The following NRG3 variants were observed in gnomAD, a reference collection of about 807,000 sequenced individuals.
The protein encoded by NRG3 is pro-neuregulin-3, membrane-bound isoform.
In NRG3, 31 loss-of-function variants were observed where a neutral mutation model predicts 66.9. The observed-to-expected ratio is 0.46, with a 90% CI of 0.35 to 0.63. NRG3 has a LOEUF of 0.63. Among genes scored for constraint, NRG3 ranks in the 20% least tolerant of loss-of-function variants. NRG3 has a pLI of 0.00. For missense variants in NRG3, 910 were observed against 878.9 expected (o/e 1.04, Z -0.45); for synonymous variants, 393 against 359.4 (o/e 1.09, Z -1.06).
At chr10:82,471,550 C>A (rs1045104193) in intron 2 of NRG3, among the ~76,000 whole-genome samples, 5 of 152,146 alleles carry the variant, frequency 3.3e-5, no homozygotes, top group Admixed American at 1.3e-4. Context: ...TATAGGCTTA[C>A]TTTTTCTCAA....
At chr10:82,557,404 T>C (rs921801684) in intron 2 of NRG3, among the ~76,000 whole-genome samples, 1 of 152,210 alleles carries the variant, frequency 6.6e-6, no homozygotes, top group Non-Finnish European at 1.5e-5. Flanking sequence ...TGAGCTTTTT[T>C]TTCATATGCT....
intron 2 of NRG3, among the ~76,000 whole-genome samples, chr10:82,379,806 G>A (rs2085489991): frequency 6.7e-6 from 1 of 149,658 alleles, no homozygotes; most frequent in Admixed American, 6.7e-5. Context: ...GACATTGTAG[G>A]AGAAAACTTC....
chr10:82,626,800 C>G (rs570510313), intron 2 of NRG3, among the ~76,000 whole-genome samples: 1 of 152,000 alleles, frequency 6.6e-6, no homozygotes, highest in South Asian at 2.1e-4. Context: ...CCGTACAAAC[C>G]AATTTCTTGG....
At chr10:82,705,256 G>A (rs565739095) in intron 2 of NRG3, among the ~76,000 whole-genome samples, 40 of 152,308 alleles carry the variant, frequency 2.6e-4, no homozygotes, top group Middle Eastern at 6.8e-3. Context: ...CATGGGAAAG[G>A]TGTTTAAATA....
intron 2 of NRG3, among the ~76,000 whole-genome samples, chr10:82,414,523 G>A (rs555927457): frequency 5.9e-5 from 9 of 152,234 alleles, no homozygotes; most frequent in South Asian, 2.1e-4. Flanking sequence ...AGCACATGCC[G>A]TTGGTAAAAT....
At chr10:82,312,424 GC>G (rs763155689) in intron 1 of NRG3, among the ~76,000 whole-genome samples, 1 of 152,172 alleles carries the variant, frequency 6.6e-6, no homozygotes, top group Non-Finnish European at 1.5e-5. Flanking sequence ...AATCTGAAAT[GC>G]CATCAAGCAG....
intron 1 of NRG3, among the ~76,000 whole-genome samples, chr10:82,234,208 T>C (rs1353629847): frequency 6.6e-6 from 1 of 152,152 alleles, no homozygotes; most frequent in Non-Finnish European, 1.5e-5. Flanking sequence ...CTCTTCTTTC[T>C]CCCCCAACTC....
At chr10:82,518,061 T>A (rs546901820) in intron 2 of NRG3, among the ~76,000 whole-genome samples, 2 of 152,234 alleles carry the variant, frequency 1.3e-5, no homozygotes, top group Admixed American at 6.5e-5. Flanking sequence ...AGGCTTTAGA[T>A]TCATTTTTCA....
intron 1 of NRG3, among the ~76,000 whole-genome samples, chr10:81,922,690 G>GC (rs1446606111): frequency 6.6e-6 from 1 of 152,172 alleles, no homozygotes; most frequent in South Asian, 2.1e-4. Context: ...ATCAGTTGAT[G>GC]CTAGATTCTT....
chr10:82,970,523 A>G (rs985380620), intron 6 of NRG3, among the ~76,000 whole-genome samples: 2 of 152,066 alleles, frequency 1.3e-5, no homozygotes, highest in Non-Finnish European at 2.9e-5. Context: ...ACTCTTTGCC[A>G]TATGTATGTT....
chr10:81,891,037 A>G (rs1842966309), intron 1 of NRG3, among the ~76,000 whole-genome samples: 1 of 152,210 alleles, frequency 6.6e-6, no homozygotes, highest in Non-Finnish European at 1.5e-5. Context: ...CACATGCTGC[A>G]TTTTGGGAAG....
At chr10:82,878,137 TGA>T (rs1312514007) in intron 4 of NRG3, among the ~76,000 whole-genome samples, 1 of 151,918 alleles carries the variant, frequency 6.6e-6, no homozygotes, top group Non-Finnish European at 1.5e-5. Context: ...AAAGGAAATA[TGA>T]GAGAGAGGGA....
At chr10:82,357,618 A>G (rs750931895) in intron 1 of NRG3, among the ~76,000 whole-genome samples, 6 of 152,054 alleles carry the variant, frequency 3.9e-5, no homozygotes, top group Non-Finnish European at 5.9e-5. Context: ...GAGCATGTCA[A>G]CTCAGTCCTT....
At chr10:82,661,585 T>TTG (rs373562301) in intron 2 of NRG3, among the ~76,000 whole-genome samples, 27 of 151,354 alleles carry the variant, frequency 1.8e-4, no homozygotes, top group East Asian at 1.6e-3. Context: ...TCTGGTATAT[T>TTG]TGTGTGTGTG....
At chr10:82,516,103 C>T (rs1289300414) in intron 2 of NRG3, among the ~76,000 whole-genome samples, 1 of 151,912 alleles carries the variant, frequency 6.6e-6, no homozygotes, top group African/African-American at 2.4e-5. Context: ...TCTTTTGTAG[C>T]AGCATAGATT....
chr10:82,887,111 G>A (rs531681717), intron 4 of NRG3, among the ~76,000 whole-genome samples: 3 of 152,284 alleles, frequency 2.0e-5, no homozygotes, highest in African/African-American at 4.8e-5. Flanking sequence ...ACTCCTAGAC[G>A]CTGTCATGGC....
chr10:82,949,435 C>T (rs1849313703), intron 4 of NRG3, among the ~76,000 whole-genome samples: 1 of 151,878 alleles, frequency 6.6e-6, no homozygotes, highest in South Asian at 2.1e-4. Context: ...TGATGAGAAG[C>T]CCCCGAGATG....
intron 1 of NRG3, among the ~76,000 whole-genome samples, chr10:81,993,227 A>G (rs1366762523): frequency 1.3e-5 from 2 of 152,228 alleles, no homozygotes; most frequent in Non-Finnish European, 2.9e-5. Context: ...AAAAGAACAT[A>G]GGAAAGATAT....
chr10:82,281,423 G>A lies in NRG3; in HGVS notation c.824-77316G>A, dbSNP rs180863466. On this transcript the variant is annotated intron_variant, in intron 1 of 8. Coordinates refer to ENST00000372141, the MANE Select transcript of NRG3 (RefSeq NM_001010848.4). ...GTATTACTCTTCAGCAAAGACCTGG[G>A]GTACTAGATAAGATGTATTGGCCCG... Among the ~76,000 whole-genome samples, 7 of 152,178 alleles carry A rather than the reference G, an allele frequency of 4.6e-5. No homozygotes were observed. In the East Asian group the frequency reaches 1.4e-3, roughly 29 times the overall value.
Sources: allele counts gnomAD v4.1 joint callset (sites outside exome capture counted in the v4.1 genomes callset), GRCh38; gene constraint gnomAD v4.1.1; transcripts MANE v1.5; gene names NCBI Gene and HGNC (gene_info 2026-07-23, HGNC 2026-07-21).